ZNF143: variants seen among roughly 807,000 people sequenced by gnomAD.
ZNF143 encodes the protein zinc finger protein 143, also known as SPH-binding factor.
Under a neutral mutation model 74.1 loss-of-function variants are expected in ZNF143, and 49 were observed. That is an observed-to-expected ratio of 0.66 (90% CI 0.53 to 0.84). The LOEUF (loss-of-function observed/expected upper bound fraction) is 0.84. ZNF143 is among the 40% of genes least tolerant of loss of function. The pLI is 0.00. For missense variants in ZNF143, 637 were observed against 793.4 expected, an observed-to-expected ratio of 0.80 and a Z score of 2.37; for synonymous variants, 304 against 282.8, an observed-to-expected ratio of 1.07 and a Z score of -0.75.
chr11:9,491,619 C>A lies in ZNF143; in HGVS notation c.646-3027C>A, dbSNP rs540656525. On this transcript the variant is annotated intron_variant, in intron 7 of 15. Transcript: ENST00000396602. Reference sequence around the variant, plus strand: ...CACCACCTCACTCCAGCCTGGGGAACAGAGTGAGACTCCGTCTCAAAAAAA... The same window carrying A: ...CACCACCTCACTCCAGCCTGGGGAAAAGAGTGAGACTCCGTCTCAAAAAAA... 7.3e-4 allele frequency among the ~76,000 whole-genome samples: 110 copies of A among 151,578 alleles called. 1 individual carries two copies. The highest frequency in any genetic ancestry group is 2.5e-3 in the African/African-American group (102 of 41,360).
intron 7 of ZNF143, among the ~76,000 whole-genome samples, chr11:9,490,152 A>G (rs542008200): frequency 1.3e-5 from 2 of 152,252 alleles, no homozygotes; most frequent in South Asian, 4.1e-4. Context: ...CGACTGTACT[A>G]TAGCCTGAGT....
At chr11:9,520,416 T>G (rs1848879547) in intron 14 of ZNF143, among the ~76,000 whole-genome samples, 1 of 151,260 alleles carries the variant, frequency 6.6e-6, no homozygotes, top group South Asian at 2.1e-4. Flanking sequence ...GAGGATCACT[T>G]AGCCCAGGAG....
At chr11:9,506,159 A>T (rs954694152) in intron 11 of ZNF143, among the ~76,000 whole-genome samples, 1 of 152,032 alleles carries the variant, frequency 6.6e-6, no homozygotes, top group Non-Finnish European at 1.5e-5. Flanking sequence ...GGCGAAACCA[A>T]TTCTCTACCA....
intron 13 of ZNF143, 39 bp from the exon 14 acceptor site, chr11:9,516,162 A>G (rs1848715744): frequency 1.0e-5 from 16 of 1,606,200 alleles, no homozygotes; most frequent in Non-Finnish European, 1.4e-5. Context: ...AGCTATAACA[A>G]GAAACATTGA....
chr11:9,516,053 T>C, intron 13 of ZNF143, 148 bp from the exon 14 acceptor site: 1 of 408,236 alleles, frequency 2.4e-6, no homozygotes, highest in Non-Finnish European at 4.2e-6. Context: ...TATTGATTTT[T>C]CTGATGACTG....
chr11:9,471,435 T>C lies in ZNF143; in HGVS notation c.112+15T>C, dbSNP rs781183065. 1.9e-6 allele frequency: 3 copies of C among 1,545,594 alleles called. No homozygotes were observed. Among genetic ancestry groups the C allele is most frequent in the Non-Finnish European group, 2.6e-6 (3 of 1,143,762 alleles). ...CACCGTGGCAGGTGAGCAGTTGTGT[T>C]TGAAGGGATGCGTTTGAAAATATCA... On this transcript the variant is annotated intron_variant, in intron 2 of 15. Coordinates refer to ENST00000396602, the MANE Select transcript of ZNF143 (RefSeq NM_003442.6).
intron 15 of ZNF143, chr11:9,525,595 G>A (rs995419386): frequency 4.4e-5 from 27 of 619,266 alleles, no homozygotes; most frequent in Non-Finnish European, 7.0e-5. Context: ...TATTCTAGGG[G>A]AATTTATAGC....
intron 1 of ZNF143, among the ~76,000 whole-genome samples, chr11:9,466,414 G>T (rs1856217752): frequency 6.6e-6 from 1 of 151,310 alleles, no homozygotes; most frequent in Non-Finnish European, 1.5e-5. Flanking sequence ...TCCTGCTTCA[G>T]CCTCCCTAGT....
chr11:9,484,295 C>G (rs1280770527), intron 7 of ZNF143, among the ~76,000 whole-genome samples: 2 of 151,092 alleles, frequency 1.3e-5, no homozygotes, highest in African/African-American at 4.9e-5. Context: ...CTGGGTTTAA[C>G]TGATTCACCT....
At chr11:9,501,829 C>A (rs1448105518) in intron 11 of ZNF143, among the ~76,000 whole-genome samples, 2 of 151,506 alleles carry the variant, frequency 1.3e-5, no homozygotes, top group Non-Finnish European at 2.9e-5. Context: ...TGAGAGGTAG[C>A]CAGAGGCCTT....
rs1436148002 is a variant in ZNF143, at chr11:9,508,830, C to T, written c.1359C>T (p.Phe453=). Residue 453 remains phenylalanine (F), a synonymous_variant, in exon 12 of 16, where the codon TTC becomes TTT. Coordinates refer to ENST00000396602, the MANE Select transcript of ZNF143 (RefSeq NM_003442.6). ...TEPIEEEQEA[F]FEPPPGQGED... ...CCATCGAGGAGGAGCAGGAAGCCTT[C>T]TTTGAGCCGCCCCCAGGTGAGAGTT... The T allele has an allele frequency of 1.3e-6, 2 of 1,589,718 alleles. No homozygotes were observed. The highest frequency in any genetic ancestry group is 1.7e-6 in the Non-Finnish European group (2 of 1,167,248).
rs866377558 is a variant in ZNF143 at position 9,482,294 on chromosome 11, G to C, written c.645+2748G>C. Among the ~76,000 whole-genome samples, 46 of 140,094 alleles carry C rather than the reference G, an allele frequency of 3.3e-4. 1 individual carries two copies. Among genetic ancestry groups the C allele is most frequent in the African/African-American group, 1.0e-3 (38 of 36,410 alleles). The allele number at this position is 140,094 out of a possible 152,430, so 91.9% of individuals were successfully genotyped here. ...CCCAACTCTTTTTTTTTTTTAAGACGGTGTCTCGCTCTGTCGCCCAGGCTG... is the reference window on the plus strand; with the variant it reads ...CCCAACTCTTTTTTTTTTTTAAGACCGTGTCTCGCTCTGTCGCCCAGGCTG... On this transcript the variant is annotated intron_variant, in intron 7 of 15. Coordinates refer to ENST00000396602, the MANE Select transcript of ZNF143 (RefSeq NM_003442.6).
chr11:9,497,705 A>C lies in ZNF143; in HGVS notation c.872A>C (p.His291Pro), dbSNP rs763278707. 1 of 1,608,224 alleles carries C rather than the reference A, an allele frequency of 6.2e-7. No homozygotes were observed. Among genetic ancestry groups the C allele is most frequent in the South Asian group, 1.1e-5 (1 of 90,544 alleles). Residue 291 changes from histidine (H) to proline (P), a missense_variant, in exon 10 of 16, where the codon CAT (histidine) becomes CCT (proline). By Grantham distance (77) the His-to-Pro change is moderately conservative. Transcript: ENST00000396602. ...GYGLKSHVRTHTGEKPYRCSE... is the reference protein window; with the variant it reads ...GYGLKSHVRTPTGEKPYRCSE... ...GGATTAAAAAGTCACGTCAGAACTCATACAGGAGAAAAGCCATATCGGTGT... is the reference window on the plus strand; with the variant it reads ...GGATTAAAAAGTCACGTCAGAACTCCTACAGGAGAAAAGCCATATCGGTGT...
intron 15 of ZNF143, among the ~76,000 whole-genome samples, chr11:9,526,340 C>T (rs186166852): frequency 6.6e-6 from 1 of 151,836 alleles, no homozygotes; most frequent in Admixed American, 6.6e-5. Flanking sequence ...GGCAACAGAG[C>T]GAGACCCTGT....
At chr11:9,480,712 C>G (rs1215624978) in intron 7 of ZNF143, among the ~76,000 whole-genome samples, 1 of 151,688 alleles carries the variant, frequency 6.6e-6, no homozygotes, top group East Asian at 1.9e-4. Flanking sequence ...ATGGTGAAAC[C>G]CTGCCTCTAC....
chr11:9,488,605 CCT>C (rs932309468), intron 7 of ZNF143, among the ~76,000 whole-genome samples: 4 of 152,076 alleles, frequency 2.6e-5, no homozygotes, highest in African/African-American at 4.8e-5. Flanking sequence ...TGCATTTTGC[CCT>C]GTTAGATCTT....
intron 3 of ZNF143, among the ~76,000 whole-genome samples, chr11:9,473,404 A>AAG (rs1368073670): frequency 6.6e-6 from 1 of 151,672 alleles, no homozygotes; most frequent in Non-Finnish European, 1.5e-5. Flanking sequence ...AAAAAAAAAA[A>AAG]AAAGACATTT....
At chr11:9,474,742 T>C in intron 5 of ZNF143, 109 bp downstream of exon 5, 1 of 1,156,116 alleles carries the variant, frequency 8.6e-7, no homozygotes, top group Non-Finnish European at 1.2e-6. Flanking sequence ...GAATTGTATT[T>C]ATTCATTAAA....
chr11:9,499,743 TAGA>T, intron 10 of ZNF143, among the ~76,000 whole-genome samples: 1 of 152,248 alleles, frequency 6.6e-6, no homozygotes, highest in South Asian at 2.1e-4. Flanking sequence ...TTACTATATA[TAGA>T]TAAATATCTG....
Sources: gnomAD v4.1 joint callset for allele counts (sites outside exome capture counted in the v4.1 genomes callset) on GRCh38, gnomAD v4.1.1 for gene constraint, MANE v1.5 for transcripts, NCBI Gene and HGNC (gene_info 2026-07-23, HGNC 2026-07-21) for gene names.